The following ITGA9 variants were observed in gnomAD, a reference collection of about 807,000 sequenced individuals.
ITGA9 encodes integrin subunit alpha 9, also known as integrin alpha-9.
In ITGA9, 56 loss-of-function variants were observed where a neutral mutation model predicts 127.8. The ratio of observed to expected loss-of-function variants is 0.44; its 90% CI spans 0.35 to 0.55. The LOEUF is 0.55. Ranked by LOEUF, ITGA9 falls within the 20% of genes least tolerant of loss-of-function variation. The probability of loss-of-function intolerance (pLI) is 0.00; values close to 1 mark genes in which losing one functional copy is unlikely to be tolerated. For synonymous variants in ITGA9, 508 were observed against 514.5 expected (o/e 0.99, Z 0.17); for missense variants, 1,196 against 1,347.1 (o/e 0.89, Z 1.76).
chr3:37,615,721 C>G (rs1575168083), intron 15 of ITGA9, among the ~76,000 whole-genome samples: 1 of 152,154 alleles, frequency 6.6e-6, no homozygotes, highest in East Asian at 1.9e-4. Flanking sequence ...AGGAATGTAT[C>G]CATTTCTTCT....
In ITGA9 at chr3:37,820,537, G is replaced by C. The variant is rs1334771461; in HGVS notation, c.*1548G>C. ...CAGTATCCAAGCTCTCTGTTTGACAGTAGATATATTGTCAGATGCACTGTG... is the reference window on the plus strand; with the variant it reads ...CAGTATCCAAGCTCTCTGTTTGACACTAGATATATTGTCAGATGCACTGTG... On this transcript the variant is annotated 3_prime_UTR_variant, in exon 28 of 28. Coordinates refer to ENST00000264741, the MANE Select transcript of ITGA9 (RefSeq NM_002207.3). The C allele has an allele frequency of 6.6e-6, 1 of 152,294 alleles. No homozygotes were observed. Among genetic ancestry groups the C allele is most frequent in the African/African-American group, 2.4e-5 (1 of 41,444 alleles). The allele number at this position is 152,294 out of a possible 1,614,324, so 9.4% of individuals were successfully genotyped here.
chr3:37,703,860 A>C (rs906660987), intron 18 of ITGA9, among the ~76,000 whole-genome samples: 1 of 152,092 alleles, frequency 6.6e-6, no homozygotes. Flanking sequence ...TGATGAGGAA[A>C]CCATGGCTTA....
intron 15 of ITGA9, among the ~76,000 whole-genome samples, chr3:37,587,071 G>A (rs891354819): frequency 1.3e-5 from 2 of 152,100 alleles, no homozygotes; most frequent in Non-Finnish European, 2.9e-5. Flanking sequence ...CAGCATCCCT[G>A]GTTTAGCATA....
At chr3:37,574,276 A>T (rs574326561) in intron 15 of ITGA9, among the ~76,000 whole-genome samples, 5 of 151,986 alleles carry the variant, frequency 3.3e-5, no homozygotes, top group Non-Finnish European at 7.4e-5. Context: ...ACCAAAATAA[A>T]CCCTCTTTTA....
intron 15 of ITGA9, among the ~76,000 whole-genome samples, chr3:37,548,645 T>C (rs6785634): frequency 0.18 from 27,600 of 151,968 alleles, 3,499 homozygotes; most frequent in African/African-American, 0.36. Flanking sequence ...ACTAGTTATC[T>C]TAGTTTGCTT....
intron 13 of ITGA9, among the ~76,000 whole-genome samples, chr3:37,530,103 A>G (rs77781768): frequency 0.038 from 5,820 of 152,300 alleles, 125 homozygotes; most frequent in Non-Finnish European, 0.05. Context: ...GGAGCCCCTA[A>G]GAGAGGAAGC....
intron 18 of ITGA9, among the ~76,000 whole-genome samples, chr3:37,701,305 G>C (rs1207489705): frequency 6.6e-6 from 1 of 152,200 alleles, no homozygotes; most frequent in Admixed American, 6.5e-5. Flanking sequence ...GGTATCCCCA[G>C]AAGCAAACCC....
At chr3:37,712,711 G>GCTA (rs1159571794) in intron 18 of ITGA9, among the ~76,000 whole-genome samples, 1 of 152,094 alleles carries the variant, frequency 6.6e-6, no homozygotes, top group Non-Finnish European at 1.5e-5. Flanking sequence ...TGGTTGCCAG[G>GCTA]CTACAGTAAA....
intron 15 of ITGA9, among the ~76,000 whole-genome samples, chr3:37,571,067 CA>C (rs1220142074): frequency 1.3e-5 from 2 of 152,214 alleles, no homozygotes; most frequent in Non-Finnish European, 2.9e-5. Context: ...AAGAAAAGAA[CA>C]AGCCCAATGA....
intron 4 of ITGA9, among the ~76,000 whole-genome samples, chr3:37,481,884 C>T (rs974486676): frequency 3.3e-5 from 5 of 152,172 alleles, no homozygotes; most frequent in South Asian, 2.1e-4. Context: ...TCTCAGGGAC[C>T]GAAATTCACC....
chr3:37,471,221 C>T lies in ITGA9; in HGVS notation c.313+87C>T, dbSNP rs915967854. 1.3e-5 allele frequency: 19 copies of T among 1,440,938 alleles called. No homozygotes were observed. In the Admixed American group the frequency reaches 3.2e-4, roughly 24 times the overall value. The allele number at this position is 1,440,938 out of a possible 1,614,324, so 89.3% of individuals were successfully genotyped here. On this transcript the variant is annotated intron_variant, in intron 2 of 27. Transcript: ENST00000264741. ...CTTCCCAGGATGGCCTGATCATTCA[C>T]TCACCCATCCATCCTTCCCTCCTTC...
intron 26 of ITGA9, among the ~76,000 whole-genome samples, chr3:37,795,402 A>C (rs1697159579): frequency 6.6e-6 from 1 of 152,210 alleles, no homozygotes; most frequent in South Asian, 2.1e-4. Flanking sequence ...CACAGAAGTG[A>C]ATCAAATAGT....
intron 16 of ITGA9, among the ~76,000 whole-genome samples, chr3:37,632,899 TA>T (rs1252806518): frequency 1.3e-5 from 2 of 152,194 alleles, no homozygotes; most frequent in African/African-American, 4.8e-5. Flanking sequence ...AAGTATGTGG[TA>T]AAAATAAAGT....
chr3:37,538,890 T>C (rs1279390982), intron 14 of ITGA9, among the ~76,000 whole-genome samples: 1 of 152,270 alleles, frequency 6.6e-6, no homozygotes, highest in Non-Finnish European at 1.5e-5. Flanking sequence ...TAGGCAGTTC[T>C]AGAGATGAAA....
chr3:37,631,021 G>A (rs1450386846), intron 16 of ITGA9, among the ~76,000 whole-genome samples: 1 of 152,206 alleles, frequency 6.6e-6, no homozygotes, highest in Non-Finnish European at 1.5e-5. Flanking sequence ...GTGGGGAGAA[G>A]AGGTTGGCCT....
In ITGA9 at chr3:37,748,888, T is replaced by C. The variant is rs1317595572; in HGVS notation, c.2434-1574T>C. 17 of 1,019,186 alleles carry C rather than the reference T, an allele frequency of 1.7e-5. No homozygotes were observed. The Admixed American group carries it at 1.9e-4, about 11-fold the overall frequency. The allele number at this position is 1,019,186 out of a possible 1,614,324, so 63.1% of individuals were successfully genotyped here. On this transcript the variant is annotated intron_variant, in intron 22 of 27. Coordinates refer to ENST00000264741, the MANE Select transcript of ITGA9 (RefSeq NM_002207.3). ...CTGAGCTGCTGGAACCTGTTCCCTA[T>C]GAATTCATGGCATAATAGGTGTCTA...
intron 15 of ITGA9, among the ~76,000 whole-genome samples, chr3:37,572,712 G>A (rs1699613519): frequency 6.6e-6 from 1 of 152,200 alleles, no homozygotes; most frequent in South Asian, 2.1e-4. Flanking sequence ...ACAATCCTTA[G>A]TTTCCTACCT....
chr3:37,633,435 A>G (rs1038467028), intron 16 of ITGA9, among the ~76,000 whole-genome samples: 2 of 152,204 alleles, frequency 1.3e-5, no homozygotes, highest in Non-Finnish European at 2.9e-5. Context: ...GAACACTTAC[A>G]TTAGCCTACA....
At position 37,777,563 on chromosome 3, in the gene ITGA9, C is replaced by T. The variant is rs368718966; in HGVS notation, c.2667+46C>T. 221 of 1,598,576 alleles carry T rather than the reference C, an allele frequency of 1.4e-4. No individual in the cohort carries two copies. The African/African-American group carries it at 2.0e-3, about 14-fold the overall frequency. On this transcript the variant is annotated intron_variant, in intron 24 of 27. Coordinates refer to ENST00000264741, the MANE Select transcript of ITGA9 (RefSeq NM_002207.3). ...TGGGGTAACACGGGTGGTCCTCACTCGGAAGACACCAGTTTTCTATTTGAT... is the reference window on the plus strand; with the variant it reads ...TGGGGTAACACGGGTGGTCCTCACTTGGAAGACACCAGTTTTCTATTTGAT...
Sources: gnomAD v4.1 joint callset for allele counts (sites outside exome capture counted in the v4.1 genomes callset) on GRCh38, gnomAD v4.1.1 for gene constraint, MANE v1.5 for transcripts, NCBI Gene and HGNC (gene_info 2026-07-23, HGNC 2026-07-21) for gene names.